The following ATG5 variants were observed in gnomAD, a reference collection of about 807,000 sequenced individuals.
The protein encoded by ATG5 is autophagy protein 5.
ATG5 carries 14 observed loss-of-function variants against 36.5 expected under a neutral mutation model. The ratio of observed to expected loss-of-function variants is 0.38; its 90% CI spans 0.25 to 0.60. The LOEUF (loss-of-function observed/expected upper bound fraction) is 0.60, where lower values mean the gene tolerates loss of function less well. Ranked by LOEUF, ATG5 falls within the 20% of genes least tolerant of loss-of-function variation. The pLI is 0.60. For missense variants in ATG5, 195 were observed against 326.7 expected (o/e 0.60, Z 3.11); for synonymous variants, 95 against 101.5 (o/e 0.94, Z 0.38).
At chr6:106,280,356 A>G (rs1400947877) in intron 4 of ATG5, among the ~76,000 whole-genome samples, 2 of 152,090 alleles carry the variant, frequency 1.3e-5, no homozygotes, top group African/African-American at 4.8e-5. Flanking sequence ...AATGTTCACA[A>G]TAGTTTTATT....
intron 5 of ATG5, among the ~76,000 whole-genome samples, chr6:106,248,466 CATTT>C (rs1778437784): frequency 6.6e-6 from 1 of 152,152 alleles, no homozygotes; most frequent in African/African-American, 2.4e-5. Context: ...TTCGCACAGC[CATTT>C]TTTTCTCATA....
chr6:106,250,123 AATCTT>A (rs1778512970), intron 5 of ATG5, among the ~76,000 whole-genome samples: 1 of 152,246 alleles, frequency 6.6e-6, no homozygotes, highest in East Asian at 1.9e-4. Context: ...TTTGTATCAA[AATCTT>A]ATCTCTATAA....
intron 6 of ATG5, among the ~76,000 whole-genome samples, chr6:106,203,769 G>A (rs1438888782): frequency 6.6e-6 from 1 of 152,042 alleles, no homozygotes; most frequent in Non-Finnish European, 1.5e-5. Context: ...TTTTGTAGAA[G>A]GGGGTCTCAC....
chr6:106,188,756 A>T (rs914967271), intron 7 of ATG5, among the ~76,000 whole-genome samples: 1 of 152,192 alleles, frequency 6.6e-6, no homozygotes, highest in Non-Finnish European at 1.5e-5. Flanking sequence ...GCCACTTTTA[A>T]TTTTTAACAT....
At chr6:106,284,724 T>G (rs1250571022) in intron 4 of ATG5, among the ~76,000 whole-genome samples, 1 of 149,018 alleles carries the variant, frequency 6.7e-6, no homozygotes, top group Non-Finnish European at 1.5e-5. Context: ...GTGGGGTTTT[T>G]TTTGTTTTTT....
chr6:106,302,499 A>T (rs970750439), intron 3 of ATG5, among the ~76,000 whole-genome samples: 1 of 152,098 alleles, frequency 6.6e-6, no homozygotes, highest in Non-Finnish European at 1.5e-5. Context: ...TAGTATTAAA[A>T]GCAGGAAGAC....
chr6:106,251,212 G>T (rs1451333871), intron 5 of ATG5, among the ~76,000 whole-genome samples: 1 of 152,206 alleles, frequency 6.6e-6, no homozygotes, highest in Non-Finnish European at 1.5e-5. Context: ...ACATGTTGTT[G>T]ATCACCTGCA....
intron 6 of ATG5, among the ~76,000 whole-genome samples, chr6:106,228,345 A>G (rs1445614060): frequency 6.6e-6 from 1 of 152,124 alleles, no homozygotes; most frequent in African/African-American, 2.4e-5. Context: ...CTCCTGATCC[A>G]GTGAGACGCC....
At chr6:106,287,566 A>C (rs1301009736) in intron 4 of ATG5, among the ~76,000 whole-genome samples, 1 of 152,190 alleles carries the variant, frequency 6.6e-6, no homozygotes, top group Non-Finnish European at 1.5e-5. Context: ...CCTCAAAACC[A>C]AAACGCACCA....
At chr6:106,195,996 A>G (rs1402386608) in intron 7 of ATG5, among the ~76,000 whole-genome samples, 4 of 152,120 alleles carry the variant, frequency 2.6e-5, no homozygotes, top group Non-Finnish European at 5.9e-5. Context: ...CCTGGGTATA[A>G]GAGCAGAATA....
At chr6:106,257,588 A>G (rs1287793152) in intron 5 of ATG5, among the ~76,000 whole-genome samples, 1 of 152,212 alleles carries the variant, frequency 6.6e-6, no homozygotes, top group Non-Finnish European at 1.5e-5. Context: ...TCAGGGATCT[A>G]GGTTCAAATT....
chr6:106,191,502 C>T (rs1775965375), intron 7 of ATG5, among the ~76,000 whole-genome samples: 1 of 152,108 alleles, frequency 6.6e-6, no homozygotes, highest in Non-Finnish European at 1.5e-5. Flanking sequence ...AGAGTGTAAA[C>T]CATCATAATT....
intron 6 of ATG5, among the ~76,000 whole-genome samples, chr6:106,235,571 T>C (rs1364504366): frequency 6.6e-6 from 1 of 152,094 alleles, no homozygotes; most frequent in Non-Finnish European, 1.5e-5. Flanking sequence ...CTTTAAACAC[T>C]GGGCTTGCAA....
In ATG5 at chr6:106,187,528, C is replaced by T. The variant is rs190140641; in HGVS notation, c.692-852G>A. Among the ~76,000 whole-genome samples the T allele has an allele frequency of 3.9e-5, 6 of 152,150 alleles. No homozygotes were observed. The East Asian group carries it at 1.2e-3, about 29-fold the overall frequency. ...AAAAAAAAATAGAACCATCAAGAAA[C>T]TTTGTGTTATTCCTTTAGCACAATT... On this transcript the variant is annotated intron_variant, in intron 7 of 7. Transcript: ENST00000369076.
At chr6:106,207,009 AAT>A (rs1369509756) in intron 6 of ATG5, among the ~76,000 whole-genome samples, 3 of 152,258 alleles carry the variant, frequency 2.0e-5, no homozygotes, top group African/African-American at 2.4e-5. Flanking sequence ...TGCAAACAGG[AAT>A]ATACCACAAT....
chr6:106,325,528 T>G lies in ATG5; in HGVS notation c.-61A>C, dbSNP rs1287908890. The G allele has an allele frequency of 6.5e-6, 1 of 152,692 alleles. No homozygotes were observed. The highest frequency in any genetic ancestry group is 1.9e-4 in the East Asian group (1 of 5,334). The allele number at this position is 152,692 out of a possible 1,614,324, so 9.5% of individuals were successfully genotyped here. ...ACAAGGTGGACACACACACGTACCC[T>G]ACTCCAAGCTATGGCTCCTCCTTCC... On this transcript the variant is annotated splice_region_variant and 5_prime_UTR_variant, in exon 1 of 8. Coordinates refer to ENST00000369076, the MANE Select transcript of ATG5 (RefSeq NM_004849.4).
At chr6:106,186,812 A>G in intron 7 of ATG5, 136 bp from the exon 8 acceptor site, 1 of 1,011,336 alleles carries the variant, frequency 9.9e-7, no homozygotes, top group East Asian at 2.6e-5. Context: ...AAATGTGGAC[A>G]TGGAGAAAGT....
intron 7 of ATG5, among the ~76,000 whole-genome samples, chr6:106,196,225 G>T (rs1372286256): frequency 1.3e-5 from 2 of 152,090 alleles, no homozygotes; most frequent in East Asian, 3.9e-4. Flanking sequence ...AGGCAGATTA[G>T]ATACTAAACA....
At chr6:106,299,439 C>T (rs1377866581) in intron 3 of ATG5, among the ~76,000 whole-genome samples, 2 of 152,118 alleles carry the variant, frequency 1.3e-5, no homozygotes, top group Non-Finnish European at 2.9e-5. Context: ...GGATACAGAA[C>T]ACCAACTCTT....
Sources: allele counts gnomAD v4.1 joint callset (sites outside exome capture counted in the v4.1 genomes callset), GRCh38; gene constraint gnomAD v4.1.1; transcripts MANE v1.5; gene names NCBI Gene and HGNC (gene_info 2026-07-23, HGNC 2026-07-21).